Variants in ZBTB7C observed in about 807,000 individuals in gnomAD.
ZBTB7C encodes zinc finger and BTB domain containing 7C, also known as zinc finger and BTB domain-containing protein 7C.
In ZBTB7C, 8 loss-of-function variants were observed where a neutral mutation model predicts 25.7. The ratio of observed to expected loss-of-function variants is 0.31; its 90% confidence interval spans 0.18 to 0.56. The LOEUF is 0.56. Ranked by LOEUF, ZBTB7C falls within the 20% of genes least tolerant of loss-of-function variation. The pLI, the probability that ZBTB7C is intolerant of heterozygous loss-of-function variation, is 0.91. For missense variants in ZBTB7C, 824 were observed against 855.2 expected, an observed-to-expected ratio of 0.96 and a Z score of 0.46; for synonymous variants, 394 against 369.0, an observed-to-expected ratio of 1.07 and a Z score of -0.78.
intron 1 of ZBTB7C, among the ~76,000 whole-genome samples, chr18:48,353,168 A>G (rs74393500): frequency 0.015 from 2,354 of 152,278 alleles, 48 homozygotes; most frequent in African/African-American, 0.054. Flanking sequence ...GGAGATAGGT[A>G]TGGATATGTA....
rs865855916 is a variant in ZBTB7C at position 48,074,104 on chromosome 18, C to A, written c.-16-32981G>T. Among the ~76,000 whole-genome samples, 13 of 151,800 alleles carry A rather than the reference C, an allele frequency of 8.6e-5. 1 individual carries two copies. Among genetic ancestry groups the A allele is most frequent in the South Asian group, 6.2e-4 (3 of 4,814 alleles). ...TCTCAGCTCACTGCAACCTCCACTT[C>A]CCAGGTTCAAGCAATTCTCCTGTCT... On this transcript the variant is annotated intron_variant, in intron 3 of 4. Transcript: ENST00000590800.
At chr18:48,302,228 C>G (rs1178715963) in intron 2 of ZBTB7C, among the ~76,000 whole-genome samples, 1 of 152,192 alleles carries the variant, frequency 6.6e-6, no homozygotes, top group Non-Finnish European at 1.5e-5. Flanking sequence ...ACACACAGGC[C>G]AGTGAGGAGA....
chr18:48,399,134 C>T (rs887930573), intron 1 of ZBTB7C, among the ~76,000 whole-genome samples: 1 of 152,190 alleles, frequency 6.6e-6, no homozygotes, highest in Non-Finnish European at 1.5e-5. Flanking sequence ...GTGAGATAAG[C>T]TCCCATTTGA....
chr18:48,237,971 T>C (rs927633068), intron 2 of ZBTB7C, among the ~76,000 whole-genome samples: 2 of 152,220 alleles, frequency 1.3e-5, no homozygotes, highest in Non-Finnish European at 2.9e-5. Context: ...CAATGTTCTG[T>C]GTATGTAAAA....
chr18:48,134,929 T>C (rs951424346), intron 3 of ZBTB7C, among the ~76,000 whole-genome samples: 1 of 152,204 alleles, frequency 6.6e-6, no homozygotes, highest in Non-Finnish European at 1.5e-5. Context: ...TTCCACTGCA[T>C]CCCCTTGAAC....
chr18:48,165,234 G>T (rs1455654314), intron 3 of ZBTB7C: 1 of 701,888 alleles, frequency 1.4e-6, no homozygotes, highest in South Asian at 1.4e-5. Context: ...CCTCCTGTTG[G>T]CCCACAGCTT....
chr18:48,136,841 G>T (rs1290414238), intron 3 of ZBTB7C, among the ~76,000 whole-genome samples: 1 of 152,142 alleles, frequency 6.6e-6, no homozygotes, highest in Admixed American at 6.5e-5. Flanking sequence ...CCGCCCCGCG[G>T]CCACCCGGCC....
chr18:48,178,813 CT>C (rs2041775988), intron 3 of ZBTB7C, among the ~76,000 whole-genome samples: 1 of 152,198 alleles, frequency 6.6e-6, no homozygotes, highest in Non-Finnish European at 1.5e-5. Flanking sequence ...CTGGCCTGCT[CT>C]GTGTCTGAGA....
chr18:48,154,842 T>C (rs2040787508), intron 3 of ZBTB7C, among the ~76,000 whole-genome samples: 1 of 152,230 alleles, frequency 6.6e-6, no homozygotes, highest in African/African-American at 2.4e-5. Flanking sequence ...AGTCACACTC[T>C]GAGCTATATT....
intron 3 of ZBTB7C, among the ~76,000 whole-genome samples, chr18:48,066,556 C>A (rs1027121280): frequency 3.3e-5 from 5 of 152,062 alleles, no homozygotes; most frequent in African/African-American, 1.2e-4. Context: ...AACAACGGGA[C>A]CTGGATATAA....
At chr18:48,161,180 C>T (rs1478094298) in intron 3 of ZBTB7C, among the ~76,000 whole-genome samples, 2 of 151,618 alleles carry the variant, frequency 1.3e-5, no homozygotes, top group African/African-American at 4.8e-5. Context: ...GGGAGGGCCT[C>T]CTGGGCTGAC....
intron 4 of ZBTB7C, among the ~76,000 whole-genome samples, chr18:48,033,996 CCTT>C (rs1248633095): frequency 2.6e-5 from 4 of 152,322 alleles, no homozygotes; most frequent in Non-Finnish European, 5.9e-5. Flanking sequence ...TGCCAAATCT[CCTT>C]CTGGAGTCTG....
chr18:48,112,869 T>C (rs73956495), intron 3 of ZBTB7C, among the ~76,000 whole-genome samples: 12,021 of 152,254 alleles, frequency 0.079, 1,416 homozygotes, highest in African/African-American at 0.26. Context: ...TAAATTTTTT[T>C]TTATGAAATG....
intron 2 of ZBTB7C, among the ~76,000 whole-genome samples, chr18:48,229,261 T>C (rs1196521070): frequency 1.3e-5 from 2 of 152,116 alleles, no homozygotes; most frequent in African/African-American, 4.8e-5. Flanking sequence ...AGCCACACAG[T>C]CTAATTTTAG....
At position 48,198,548 on chromosome 18, in the gene ZBTB7C, A is replaced by G. The variant is rs1478076772; in HGVS notation, c.-78-12553T>C. On this transcript the variant is annotated intron_variant, in intron 2 of 4. Coordinates refer to ENST00000590800, the MANE Select transcript of ZBTB7C (RefSeq NM_001318841.2). ...TTGACGTGTCCAGCTTCTAGAGGCC[A>G]CCACATTCCATGGCTCAGAGTTCCC... Among the ~76,000 whole-genome samples the G allele has an allele frequency of 3.3e-5, 5 of 152,266 alleles. No homozygotes were observed. The East Asian group carries it at 9.6e-4, about 29-fold the overall frequency.
At chr18:48,318,508 G>A (rs956673401) in intron 2 of ZBTB7C, among the ~76,000 whole-genome samples, 4 of 152,256 alleles carry the variant, frequency 2.6e-5, no homozygotes, top group South Asian at 2.1e-4. Context: ...CTGGCATGGC[G>A]ACAGGCTGTT....
chr18:48,140,846 G>C (rs1211389814), intron 3 of ZBTB7C, among the ~76,000 whole-genome samples: 1 of 152,068 alleles, frequency 6.6e-6, no homozygotes, highest in Non-Finnish European at 1.5e-5. Flanking sequence ...CTCCAAAATA[G>C]AGCTCGAACC....
chr18:48,253,270 T>G (rs1171898900), intron 2 of ZBTB7C, among the ~76,000 whole-genome samples: 1 of 151,464 alleles, frequency 6.6e-6, no homozygotes, highest in African/African-American at 2.4e-5. Flanking sequence ...CAAGGTAAAA[T>G]AAATACCTTT....
intron 2 of ZBTB7C, among the ~76,000 whole-genome samples, chr18:48,247,827 C>A (rs929111521): frequency 6.6e-6 from 1 of 152,204 alleles, no homozygotes; most frequent in Non-Finnish European, 1.5e-5. Flanking sequence ...GATAGTTCCT[C>A]CTGCATTCAT....
Sources: gnomAD v4.1 joint callset for allele counts (sites outside exome capture counted in the v4.1 genomes callset) on GRCh38, gnomAD v4.1.1 for gene constraint, MANE v1.5 for transcripts, NCBI Gene and HGNC (gene_info 2026-07-23, HGNC 2026-07-21) for gene names.